RYR2: variants seen among roughly 807,000 people sequenced by gnomAD.
RYR2 encodes cardiac muscle ryanodine receptor-calcium release channel.
A neutral mutation model predicts 601.1 loss-of-function variants in RYR2; 227 were observed. The ratio of observed to expected loss-of-function variants is 0.38; its 90% CI spans 0.34 to 0.42. The LOEUF (loss-of-function observed/expected upper bound fraction) is 0.42. Among genes scored for constraint, RYR2 ranks in the 10% least tolerant of loss-of-function variants. The pLI is 1.00. For missense variants in RYR2, 4,646 were observed against 6,156.5 expected (o/e 0.75, Z 8.21); for synonymous variants, 2,223 against 2,175.1 (o/e 1.02, Z -0.61).
chr1:237,759,223 A>G (rs1358320119), intron 82 of RYR2, among the ~76,000 whole-genome samples: 1 of 152,122 alleles, frequency 6.6e-6, no homozygotes, highest in Non-Finnish European at 1.5e-5. Flanking sequence ...AGTAGCTGGG[A>G]CTACAGGCAC....
At chr1:237,605,862 G>GATGT (rs1429816511) in intron 35 of RYR2, among the ~76,000 whole-genome samples, 5 of 151,594 alleles carry the variant, frequency 3.3e-5, no homozygotes, top group African/African-American at 9.6e-5. Flanking sequence ...ACTTACAAGG[G>GATGT]ATGTGAAGGA....
At chr1:237,075,106 G>A (rs868183478) in intron 1 of RYR2, among the ~76,000 whole-genome samples, 6 of 152,064 alleles carry the variant, frequency 3.9e-5, no homozygotes, top group African/African-American at 1.2e-4. Context: ...ATATCACTGC[G>A]TGAATTTAAA....
At chr1:237,812,369 A>G (rs535060832) in intron 100 of RYR2, among the ~76,000 whole-genome samples, 1 of 152,300 alleles carries the variant, frequency 6.6e-6, no homozygotes, top group African/African-American at 2.4e-5. Context: ...CCTTTCTAGA[A>G]ATTCTGCTAA....
chr1:237,222,792 G>A lies in RYR2; in HGVS notation c.49-47705G>A, dbSNP rs570292210. On this transcript the variant is annotated intron_variant, in intron 1 of 104. Coordinates refer to ENST00000366574, the MANE Select transcript of RYR2 (RefSeq NM_001035.3). ...TTTAAATATTCTGTATTGGCTGGGC[G>A]CGGTGGCTTATGCCTGTAATCTCAG... Among the ~76,000 whole-genome samples, 55 of 152,174 alleles carry A rather than the reference G, an allele frequency of 3.6e-4. No individual in the cohort carries two copies. In the South Asian group the frequency reaches 9.1e-3, roughly 25 times the overall value.
intron 1 of RYR2, among the ~76,000 whole-genome samples, chr1:237,229,864 G>A (rs1292142269): frequency 6.6e-6 from 1 of 152,158 alleles, no homozygotes; most frequent in African/African-American, 2.4e-5. Context: ...CACCAACCCT[G>A]CGTCCACTCT....
intron 101 of RYR2, among the ~76,000 whole-genome samples, chr1:237,824,580 T>C (rs1327121288): frequency 6.6e-6 from 1 of 152,140 alleles, no homozygotes; most frequent in Non-Finnish European, 1.5e-5. Flanking sequence ...TCATACTGAA[T>C]GGCCAAAAAC....
chr1:237,116,122 G>A (rs1056279299), intron 1 of RYR2, among the ~76,000 whole-genome samples: 3 of 152,168 alleles, frequency 2.0e-5, no homozygotes, highest in African/African-American at 7.2e-5. Flanking sequence ...GGCTTTGCGA[G>A]CCTTCTTTGT....
chr1:237,255,638 T>A (rs1260637032), intron 1 of RYR2, among the ~76,000 whole-genome samples: 1 of 152,174 alleles, frequency 6.6e-6, no homozygotes, highest in Non-Finnish European at 1.5e-5. Context: ...TCAATTTTTT[T>A]CACACATTTT....
intron 25 of RYR2, among the ~76,000 whole-genome samples, chr1:237,540,058 C>T (rs1390388883): frequency 6.6e-6 from 1 of 150,712 alleles, no homozygotes; most frequent in African/African-American, 2.4e-5. Flanking sequence ...TCAAAACAAA[C>T]AAGCAAACAG....
At chr1:237,185,150 G>A (rs1192225569) in intron 1 of RYR2, among the ~76,000 whole-genome samples, 3 of 151,672 alleles carry the variant, frequency 2.0e-5, no homozygotes, top group Non-Finnish European at 4.4e-5. Flanking sequence ...ACAGGCGTAC[G>A]TCACCACGCC....
chr1:237,790,326 T>C (rs1171435172), intron 92 of RYR2, among the ~76,000 whole-genome samples: 1 of 152,086 alleles, frequency 6.6e-6, no homozygotes, highest in Admixed American at 6.6e-5. Flanking sequence ...TCCAAATACA[T>C]CGAGTCTGCC....
At chr1:237,044,956 C>CTT (rs4006366) in intron 1 of RYR2, among the ~76,000 whole-genome samples, 26,102 of 144,512 alleles carry the variant, frequency 0.18, 3,085 homozygotes, top group Non-Finnish European at 0.26. Flanking sequence ...TCTTCTTCTT[C>CTT]TTTTTTTTTT....
At chr1:237,296,948 A>G (rs891052060) in intron 2 of RYR2, among the ~76,000 whole-genome samples, 4 of 152,234 alleles carry the variant, frequency 2.6e-5, no homozygotes, top group Non-Finnish European at 5.9e-5. Flanking sequence ...TATGGGCACT[A>G]AAGTGTAAGT....
chr1:237,405,422 C>G (rs1466506591), intron 10 of RYR2, among the ~76,000 whole-genome samples: 1 of 152,314 alleles, frequency 6.6e-6, no homozygotes, highest in African/African-American at 2.4e-5. Flanking sequence ...TTTCTTATAG[C>G]CTCAACGATG....
chr1:237,752,194 T>G (rs1009150530), intron 80 of RYR2, among the ~76,000 whole-genome samples: 3 of 152,186 alleles, frequency 2.0e-5, no homozygotes, highest in African/African-American at 7.2e-5. Flanking sequence ...CATGTTTGTT[T>G]GTTTATTTAT....
At position 237,595,622 on chromosome 1, in the gene RYR2, A is replaced by G. The variant is rs1484404966; in HGVS notation, c.4561A>G (p.Ile1521Val). ...TGCTGCCAGCGGGCTGCTCACATTC[A>G]TTGCCAATGGCAAGGAACTGAGCAC... ...VDAASGLLTFIANGKELSTYY... is the reference protein window; with the variant it reads ...VDAASGLLTFVANGKELSTYY... The change falls in exon 34 of 105, where the codon ATT becomes GTT. Residue 1521 changes from isoleucine (I) to valine (V), a missense_variant. Ile to Val is a conservative substitution (Grantham distance 29). Transcript: ENST00000366574. 1.2e-6 allele frequency: 2 copies of G among 1,613,402 alleles called. No homozygotes were observed. Among genetic ancestry groups the G allele is most frequent in the Non-Finnish European group, 1.7e-6 (2 of 1,179,656 alleles).
intron 30 of RYR2, among the ~76,000 whole-genome samples, 166 bp from the exon 31 acceptor site, chr1:237,590,474 T>C (rs1675030587): frequency 6.6e-6 from 1 of 152,210 alleles, no homozygotes; most frequent in South Asian, 2.1e-4. Context: ...CAGAACTCTA[T>C]GACTATATCC....
At chr1:237,505,184 G>A (rs1276533933) in intron 22 of RYR2, among the ~76,000 whole-genome samples, 1 of 152,168 alleles carries the variant, frequency 6.6e-6, no homozygotes, top group Middle Eastern at 3.2e-3. Flanking sequence ...GTTTGTCATA[G>A]TTAATAGATA....
intron 33 of RYR2, 50 bp from the exon 34 acceptor site, chr1:237,595,448 C>G: frequency 6.3e-7 from 1 of 1,590,680 alleles, no homozygotes; most frequent in East Asian, 2.3e-5. Context: ...TACCTGCTTT[C>G]TCTTTTATCT....
Sources: allele counts gnomAD v4.1 joint callset (sites outside exome capture counted in the v4.1 genomes callset), GRCh38; gene constraint gnomAD v4.1.1; transcripts MANE v1.5; gene names NCBI Gene and HGNC (gene_info 2026-07-23, HGNC 2026-07-21).